Variants in NXPE1 observed in about 807,000 individuals in gnomAD.
NXPE1 encodes the protein NXPE family member 1.
Under a neutral mutation model 33.3 loss-of-function variants are expected in NXPE1, and 31 were observed. The ratio of observed to expected loss-of-function variants is 0.93; its 90% CI spans 0.70 to 1.26. NXPE1 has a LOEUF of 1.26. Among genes scored for constraint, NXPE1 ranks in the 50% most tolerant of loss-of-function variants. The probability of loss-of-function intolerance (pLI) is 0.00; values close to 1 mark genes in which losing one functional copy is unlikely to be tolerated. For synonymous variants in NXPE1, 229 were observed against 231.4 expected (o/e 0.99, Z 0.09); for missense variants, 661 against 655.6 (o/e 1.01, Z -0.09).
Position 114,522,521 on chromosome 11 carries a change from A to C in NXPE1, c.1109-18T>G. 1 of 1,546,666 alleles carries C rather than the reference A, an allele frequency of 6.5e-7. No homozygotes were observed. Among genetic ancestry groups the C allele is most frequent in the Non-Finnish European group, 8.8e-7 (1 of 1,141,154 alleles). On this transcript the variant is annotated intron_variant, in intron 8 of 8. Transcript: ENST00000534921. Reference sequence around the variant, plus strand: ...CTTCAGTGCTGATAAAAAAACAAATAGATGTTTTAAATAGAAGATAATGGT... The same window carrying C: ...CTTCAGTGCTGATAAAAAAACAAATCGATGTTTTAAATAGAAGATAATGGT...
At chr11:114,530,124 T>G (rs1319114001) in intron 6 of NXPE1, 51 bp downstream of exon 6, 1 of 1,528,858 alleles carries the variant, frequency 6.5e-7, no homozygotes, top group South Asian at 1.3e-5. Context: ...TAGCTCTGAC[T>G]GGGGCACTTC....
At chr11:114,532,940 A>G (rs1591268839) in intron 5 of NXPE1, among the ~76,000 whole-genome samples, 1 of 152,210 alleles carries the variant, frequency 6.6e-6, no homozygotes, top group African/African-American at 2.4e-5. Flanking sequence ...TGCAGCTGCA[A>G]TAAAAGGATT....
chr11:114,523,712 A>T (rs1947284686), intron 7 of NXPE1, among the ~76,000 whole-genome samples: 1 of 152,180 alleles, frequency 6.6e-6, no homozygotes, highest in African/African-American at 2.4e-5. Context: ...TCTGCCTTCT[A>T]TTACAGGTAG....
chr11:114,523,544 TAAA>T (rs1294930914), intron 7 of NXPE1, among the ~76,000 whole-genome samples: 1 of 152,176 alleles, frequency 6.6e-6, no homozygotes, highest in African/African-American at 2.4e-5. Context: ...ATATGTACAT[TAAA>T]TATAAAAACC....
downstream of NXPE1, among the ~76,000 whole-genome samples, chr11:114,520,752 A>C (rs1565292638): frequency 1.3e-5 from 2 of 152,144 alleles, no homozygotes; most frequent in Non-Finnish European, 2.9e-5. Flanking sequence ...TTGTGTGTGA[A>C]AATATTACCA....
chr11:114,549,789 T>A (rs982843374), intron 5 of NXPE1, among the ~76,000 whole-genome samples: 1 of 152,030 alleles, frequency 6.6e-6, no homozygotes, highest in African/African-American at 2.4e-5. Context: ...ATAAAAATAA[T>A]CTTTATTTTC....
chr11:114,525,794 A>T (rs1947350807), intron 7 of NXPE1, among the ~76,000 whole-genome samples: 1 of 152,212 alleles, frequency 6.6e-6, no homozygotes, highest in Non-Finnish European at 1.5e-5. Context: ...CAAGCTAGCC[A>T]ATACCCTTTC....
chr11:114,522,130 A>G (rs781430518), exon 9 of NXPE1: 5 of 1,614,102 alleles, frequency 3.1e-6, no homozygotes, highest in Non-Finnish European at 4.2e-6. Context: ...GAATATAACC[A>G]TGGAAGTCTC....
chr11:114,533,426 C>CGGACAGTGGGTGCA (rs1191401439), intron 5 of NXPE1, among the ~76,000 whole-genome samples: 1 of 152,100 alleles, frequency 6.6e-6, no homozygotes, highest in African/African-American at 2.4e-5. Flanking sequence ...TGGGGAGTGC[C>CGGACAGTGGGTGCA]GGACAGTGGG....
intron 5 of NXPE1, among the ~76,000 whole-genome samples, chr11:114,543,709 A>G (rs1301474224): frequency 1.3e-5 from 2 of 152,272 alleles, no homozygotes; most frequent in East Asian, 3.9e-4. Flanking sequence ...CTCCTATTCA[A>G]CAATGTAGTG....
At chr11:114,525,557 A>G (rs1434390269) in intron 7 of NXPE1, among the ~76,000 whole-genome samples, 1 of 151,974 alleles carries the variant, frequency 6.6e-6, no homozygotes, top group Admixed American at 6.6e-5. Context: ...TTTCTCATTC[A>G]GCTTCCCCCT....
intron 5 of NXPE1, among the ~76,000 whole-genome samples, chr11:114,543,919 T>C (rs1948187467): frequency 6.6e-6 from 1 of 152,196 alleles, no homozygotes; most frequent in Admixed American, 6.5e-5. Context: ...AAAATTTAAT[T>C]GTTTTGCTAT....
intron 5 of NXPE1, among the ~76,000 whole-genome samples, chr11:114,545,034 G>C (rs916362975): frequency 6.6e-6 from 1 of 152,054 alleles, no homozygotes; most frequent in African/African-American, 2.4e-5. Flanking sequence ...CAATTAGAAT[G>C]GCTAAAATTT....
chr11:114,545,837 C>T (rs567684986), intron 5 of NXPE1, among the ~76,000 whole-genome samples: 1 of 151,974 alleles, frequency 6.6e-6, no homozygotes, highest in African/African-American at 2.4e-5. Context: ...TACAGGGGCA[C>T]ACCACCACGC....
chr11:114,526,899 G>A (rs1183090889), intron 7 of NXPE1, among the ~76,000 whole-genome samples: 1 of 152,086 alleles, frequency 6.6e-6, no homozygotes, highest in Admixed American at 6.6e-5. Context: ...CTTAAATCCA[G>A]CAACACTACC....
At chr11:114,530,289 T>C (rs200711355) in exon 6 of NXPE1, 2 of 1,614,226 alleles carry the variant, frequency 1.2e-6, no homozygotes, top group East Asian at 4.5e-5. Context: ...ATAGAAGGCT[T>C]CTTGGTCTCT....
chr11:114,553,931 G>C, intron 1 of NXPE1: 2 of 985,316 alleles, frequency 2.0e-6, no homozygotes, highest in South Asian at 4.7e-5. Context: ...TTTTGTTTTT[G>C]TTTTCTGGGA....
chr11:114,540,069 C>T (rs1343517887), intron 5 of NXPE1, among the ~76,000 whole-genome samples: 1 of 152,222 alleles, frequency 6.6e-6, no homozygotes, highest in African/African-American at 2.4e-5. Flanking sequence ...GATTCTCCTG[C>T]CTCAGCCGCC....
intron 5 of NXPE1, among the ~76,000 whole-genome samples, chr11:114,546,452 A>G (rs1003959430): frequency 7.0e-6 from 1 of 143,618 alleles, no homozygotes; most frequent in Non-Finnish European, 1.5e-5. Context: ...TATCATACAT[A>G]TATATATTTT....
Sources: gnomAD v4.1 joint callset for allele counts (sites outside exome capture counted in the v4.1 genomes callset) on GRCh38, gnomAD v4.1.1 for gene constraint, MANE v1.5 for transcripts, NCBI Gene and HGNC (gene_info 2026-07-23, HGNC 2026-07-21) for gene names.